ABCA13: variants seen among roughly 807,000 people sequenced by gnomAD.
ABCA13 encodes ATP-binding cassette sub-family A member 13.
ABCA13 carries 476 observed loss-of-function variants against 478.7 expected under a neutral mutation model. That is an observed-to-expected ratio of 0.99 (90% CI 0.92 to 1.07). The LOEUF (loss-of-function observed/expected upper bound fraction) is 1.07, where lower values mean the gene tolerates loss of function less well. ABCA13 is among the 50% of genes least tolerant of loss of function. The pLI, the probability that ABCA13 is intolerant of heterozygous loss-of-function variation, is 0.00. For synonymous variants in ABCA13, 2,252 were observed against 2,158.9 expected (o/e 1.04, Z -1.20); for missense variants, 6,060 against 5,910.6 (o/e 1.03, Z -0.83).
At chr7:48,627,066 A>G in intron 59 of ABCA13, 1 of 984,794 alleles carries the variant, frequency 1.0e-6, no homozygotes, top group Non-Finnish European at 1.2e-6. Flanking sequence ...ATTTATTTTA[A>G]TTATTACTAA....
chr7:48,242,185 A>T (rs75596147), intron 10 of ABCA13, among the ~76,000 whole-genome samples: 2,079 of 152,134 alleles, frequency 0.014, 13 homozygotes, highest in Non-Finnish European at 0.021. Flanking sequence ...CAAATCTCGA[A>T]TGCCCCCTGG....
At chr7:48,566,570 G>A (rs529822022) in intron 55 of ABCA13, among the ~76,000 whole-genome samples, 51 of 152,260 alleles carry the variant, frequency 3.3e-4, no homozygotes, top group African/African-American at 1.2e-3. Flanking sequence ...GTCAGAATGA[G>A]CTCTGGTTTA....
At chr7:48,353,776 A>G (rs1212699660) in intron 31 of ABCA13, among the ~76,000 whole-genome samples, 4 of 151,776 alleles carry the variant, frequency 2.6e-5, no homozygotes, top group African/African-American at 4.9e-5. Context: ...ACCTGATTGA[A>G]CTCATCTTGG....
chr7:48,607,607 T>C (rs780085184), intron 58 of ABCA13, among the ~76,000 whole-genome samples: 7 of 152,220 alleles, frequency 4.6e-5, no homozygotes, highest in South Asian at 4.1e-4. Context: ...AGAACACTTA[T>C]GAACAATTTC....
At chr7:48,360,336 G>C (rs1810632244) in intron 31 of ABCA13, among the ~76,000 whole-genome samples, 1 of 151,886 alleles carries the variant, frequency 6.6e-6, no homozygotes, top group Admixed American at 6.5e-5. Flanking sequence ...ATGGTTTCCA[G>C]CTTCATCCAT....
At chr7:48,379,159 T>G (rs1465261313) in intron 35 of ABCA13, among the ~76,000 whole-genome samples, 1 of 152,210 alleles carries the variant, frequency 6.6e-6, no homozygotes, top group East Asian at 1.9e-4. Flanking sequence ...ATTTTTGACT[T>G]TATCACAAAA....
chr7:48,358,631 G>A (rs1810343882), intron 31 of ABCA13, among the ~76,000 whole-genome samples: 1 of 151,990 alleles, frequency 6.6e-6, no homozygotes, highest in Admixed American at 6.5e-5. Flanking sequence ...CACATTCTAT[G>A]CTGGGATGGA....
intron 3 of ABCA13, among the ~76,000 whole-genome samples, chr7:48,218,317 C>A (rs1786803198): frequency 6.6e-6 from 1 of 152,214 alleles, no homozygotes; most frequent in Non-Finnish European, 1.5e-5. Flanking sequence ...TAATATGAGG[C>A]CTCAGTAGAG....
At chr7:48,348,521 G>A (rs867773105) in intron 29 of ABCA13, among the ~76,000 whole-genome samples, 6 of 152,316 alleles carry the variant, frequency 3.9e-5, no homozygotes, top group Middle Eastern at 3.4e-3. Flanking sequence ...TCCAATGAGC[G>A]TGTTTTATTC....
intron 41 of ABCA13, among the ~76,000 whole-genome samples, chr7:48,415,032 A>G (rs938096706): frequency 6.6e-6 from 1 of 152,200 alleles, no homozygotes; most frequent in African/African-American, 2.4e-5. Flanking sequence ...AACAAGAAGG[A>G]ATTTCCTAAG....
chr7:48,210,883 A>G lies in ABCA13; in HGVS notation c.288-8471A>G, dbSNP rs115907290. On this transcript the variant is annotated intron_variant, in intron 3 of 61. Coordinates refer to ENST00000435803, the MANE Select transcript of ABCA13 (RefSeq NM_152701.5). The stretch of plus-strand genomic sequence containing the variant: ...TCATCTATAGTGTAGATAAAATCAA[A>G]TGATTCTTCATTGCTTTTCTGTTTA... Among the ~76,000 whole-genome samples the G allele has an allele frequency of 4.0e-3, 610 of 152,168 alleles. 8 individuals carry two copies. Among genetic ancestry groups the G allele is most frequent in the African/African-American group, 0.014 (584 of 41,498 alleles).
At chr7:48,206,039 A>G (rs1388033417) in intron 3 of ABCA13, among the ~76,000 whole-genome samples, 2 of 152,122 alleles carry the variant, frequency 1.3e-5, no homozygotes, top group Non-Finnish European at 2.9e-5. Context: ...CACTCACCCC[A>G]CATCTTCAGA....
intron 9 of ABCA13, among the ~76,000 whole-genome samples, chr7:48,240,518 A>G (rs1295059403): frequency 6.6e-6 from 1 of 152,230 alleles, no homozygotes; most frequent in African/African-American, 2.4e-5. Context: ...ATATTTAAAA[A>G]TATGCAAATA....
At chr7:48,317,873 CTCTAA>C (rs1563039398) in intron 27 of ABCA13, among the ~76,000 whole-genome samples, 1 of 152,160 alleles carries the variant, frequency 6.6e-6, no homozygotes, top group African/African-American at 2.4e-5. Flanking sequence ...TGTTTAACCT[CTCTAA>C]TCTATTTACT....
At chr7:48,612,610 CT>C (rs1173177748) in intron 58 of ABCA13, among the ~76,000 whole-genome samples, 1 of 152,148 alleles carries the variant, frequency 6.6e-6, no homozygotes, top group East Asian at 1.9e-4. Flanking sequence ...ATTTTAATAG[CT>C]AACACATGGA....
At chr7:48,382,299 A>G (rs563279740) in intron 35 of ABCA13, among the ~76,000 whole-genome samples, 1 of 152,232 alleles carries the variant, frequency 6.6e-6, no homozygotes, top group East Asian at 1.9e-4. Context: ...GACCAAATAG[A>G]CCATGTCCCT....
intron 40 of ABCA13, among the ~76,000 whole-genome samples, chr7:48,410,983 CTTTCTTTCTTTCTTTCTTTCTT>C (rs1563207716): frequency 3.3e-5 from 2 of 59,812 alleles, no homozygotes; most frequent in Non-Finnish European, 3.5e-5. Flanking sequence ...TTTTCTCTTT[CTTTCTTTCTTTCTTTCTTTCTT>C]TCTTTCTTTC....
chr7:48,439,268 T>A (rs1244078395), intron 42 of ABCA13, among the ~76,000 whole-genome samples: 3 of 152,164 alleles, frequency 2.0e-5, no homozygotes. Context: ...TTTGGCAGAA[T>A]CAGTTCCTTG....
At chr7:48,203,788 G>A (rs1004332838) in intron 3 of ABCA13, among the ~76,000 whole-genome samples, 9 of 152,298 alleles carry the variant, frequency 5.9e-5, no homozygotes, top group African/African-American at 2.2e-4. Flanking sequence ...TTCGGGAGGC[G>A]GATCGCCATA....
Sources: gnomAD v4.1 joint callset for allele counts (sites outside exome capture counted in the v4.1 genomes callset) on GRCh38, gnomAD v4.1.1 for gene constraint, MANE v1.5 for transcripts, NCBI Gene and HGNC (gene_info 2026-07-23, HGNC 2026-07-21) for gene names.